Variants in KANK4 observed in about 807,000 individuals in gnomAD.
KANK4 encodes the protein KN motif and ankyrin repeat domain-containing protein 4.
Under a neutral mutation model 80.8 loss-of-function variants are expected in KANK4, and 50 were observed. That is an observed-to-expected ratio of 0.62 (90% CI 0.49 to 0.78). KANK4 has a LOEUF of 0.78. Among genes scored for constraint, KANK4 ranks in the 30% least tolerant of loss-of-function variants. The pLI is 0.00. For missense variants in KANK4, 1,196 were observed against 1,240.1 expected, an observed-to-expected ratio of 0.96 and a Z score of 0.53; for synonymous variants, 465 against 506.9, an observed-to-expected ratio of 0.92 and a Z score of 1.11.
intron 6 of KANK4, among the ~76,000 whole-genome samples, chr1:62,263,714 G>A (rs1671950869): frequency 6.6e-6 from 1 of 152,182 alleles, no homozygotes; most frequent in South Asian, 2.1e-4. Flanking sequence ...ACTCTATCAG[G>A]ACACCTGCGT....
chr1:62,276,447 C>T lies in KANK4; in HGVS notation c.17-1360G>A, dbSNP rs1274869137. On this transcript the variant is annotated intron_variant, in intron 2 of 9. Coordinates refer to ENST00000371153, the MANE Select transcript of KANK4 (RefSeq NM_181712.5). ...ACTTAGCCTTCCTATGTCTCATCAT[C>T]TGTAAAGTGGGAATAATAACAGGTA... Among the ~76,000 whole-genome samples the T allele has an allele frequency of 3.9e-5, 6 of 152,092 alleles. No individual in the cohort carries two copies. In the South Asian group the frequency reaches 1.2e-3, roughly 31 times the overall value.
chr1:62,259,947 C>T (rs142144889), intron 7 of KANK4, among the ~76,000 whole-genome samples: 11 of 152,070 alleles, frequency 7.2e-5, no homozygotes, highest in Non-Finnish European at 8.8e-5. Flanking sequence ...GACATTTGAC[C>T]GAGGCCCATG....
chr1:62,277,592 G>A (rs1416723465), intron 2 of KANK4, among the ~76,000 whole-genome samples: 1 of 152,122 alleles, frequency 6.6e-6, no homozygotes, highest in East Asian at 1.9e-4. Context: ...ACACTTATTG[G>A]GAAGCCAGCT....
chr1:62,279,123 A>G (rs1672389768), intron 2 of KANK4, among the ~76,000 whole-genome samples: 1 of 151,238 alleles, frequency 6.6e-6, no homozygotes, highest in African/African-American at 2.4e-5. Context: ...AGAGGAGGGC[A>G]AGTGAGGCTG....
intron 4 of KANK4, among the ~76,000 whole-genome samples, chr1:62,270,138 G>A (rs769081123): frequency 3.3e-5 from 5 of 152,288 alleles, no homozygotes; most frequent in South Asian, 2.1e-4. Flanking sequence ...GGGAAGGAAC[G>A]GCAGTGGCAG....
intron 1 of KANK4, among the ~76,000 whole-genome samples, chr1:62,308,273 A>G (rs984684906): frequency 1.3e-5 from 2 of 152,190 alleles, no homozygotes; most frequent in Non-Finnish European, 2.9e-5. Flanking sequence ...AGCCGGCTGG[A>G]GAGGCTCACA....
intron 1 of KANK4, among the ~76,000 whole-genome samples, chr1:62,315,561 C>T (rs1446005831): frequency 6.6e-6 from 1 of 152,072 alleles, no homozygotes; most frequent in African/African-American, 2.4e-5. Context: ...ACGCCATCAT[C>T]CAGAAATTGG....
At position 62,269,788 on chromosome 1, in the gene KANK4, T is replaced by TA. The variant is rs61379448; in HGVS notation, c.2013-1284dup. 4.0e-5 allele frequency among the ~76,000 whole-genome samples: 6 copies of TA among 151,274 alleles called. No individual in the cohort carries two copies. The South Asian group carries it at 1.0e-3, about 26-fold the overall frequency. On this transcript the variant is annotated intron_variant, in intron 4 of 9. Coordinates refer to ENST00000371153, the MANE Select transcript of KANK4 (RefSeq NM_181712.5). Reference sequence around the variant, plus strand: ...AGTGATAAAAACAATGAATAAAATTTAAAAAAAAAGAGCCATGGGATAGAA... The same window carrying TA: ...AGTGATAAAAACAATGAATAAAATTTAAAAAAAAAAGAGCCATGGGATAGAA...
intron 1 of KANK4, among the ~76,000 whole-genome samples, chr1:62,291,432 T>C (rs921791872): frequency 6.6e-6 from 1 of 152,320 alleles, no homozygotes; most frequent in Non-Finnish European, 1.5e-5. Context: ...CATTTTTTTG[T>C]ATAATTTAAC....
intron 1 of KANK4, among the ~76,000 whole-genome samples, chr1:62,303,437 G>A (rs1283931506): frequency 1.3e-5 from 2 of 152,028 alleles, no homozygotes; most frequent in Admixed American, 6.5e-5. Flanking sequence ...GAGCAGCCAT[G>A]ATGTGTTATA....
chr1:62,240,920 T>C (rs1671326330), intron 9 of KANK4, among the ~76,000 whole-genome samples: 4 of 152,086 alleles, frequency 2.6e-5, no homozygotes, highest in Admixed American at 2.0e-4. Context: ...TTCTGAACTC[T>C]AAACAGCTCC....
chr1:62,261,971 A>G (rs1671896245), intron 7 of KANK4, among the ~76,000 whole-genome samples: 1 of 152,098 alleles, frequency 6.6e-6, no homozygotes, highest in South Asian at 2.1e-4. Flanking sequence ...CTCCATCCCA[A>G]TTGCTAGGCT....
rs187573528 is a variant in KANK4, at chr1:62,302,354, C to T, written c.-71+16752G>A. Among the ~76,000 whole-genome samples the T allele has an allele frequency of 3.7e-3, 565 of 152,140 alleles. 6 individuals carry two copies. Among genetic ancestry groups the T allele is most frequent in the Admixed American group, 8.8e-3 (135 of 15,288 alleles). ...GAGCTGGCATAGGAGTCGACATTTA[C>T]TCCAGGCACTGTGCTAAATAAAAGA... On this transcript the variant is annotated intron_variant, in intron 1 of 9. Coordinates refer to ENST00000371153, the MANE Select transcript of KANK4 (RefSeq NM_181712.5).
chr1:62,270,197 C>A (rs898461752), intron 4 of KANK4, among the ~76,000 whole-genome samples: 1 of 152,034 alleles, frequency 6.6e-6, no homozygotes, highest in Non-Finnish European at 1.5e-5. Context: ...CATTTGGATG[C>A]AGAGTGGGGA....
intron 7 of KANK4, among the ~76,000 whole-genome samples, chr1:62,261,414 C>T (rs1016706048): frequency 4.6e-5 from 7 of 151,992 alleles, no homozygotes; most frequent in African/African-American, 1.7e-4. Context: ...CCCGCTTCGG[C>T]CTCCCAAAGT....
At chr1:62,265,220 C>T (rs558726600) in intron 6 of KANK4, among the ~76,000 whole-genome samples, 1 of 151,948 alleles carries the variant, frequency 6.6e-6, no homozygotes, top group Admixed American at 6.6e-5. Context: ...TCAACATCCA[C>T]ATCACATATT....
intron 2 of KANK4, among the ~76,000 whole-genome samples, chr1:62,280,462 G>A (rs907489277): frequency 2.0e-5 from 3 of 152,220 alleles, no homozygotes; most frequent in African/African-American, 4.8e-5. Context: ...GGGGAGAAAG[G>A]CAACTCTTGA....
rs139968342 is a variant in KANK4 at position 62,263,256 on chromosome 1, G to A, written c.2375C>T (p.Ser792Leu). The A allele has an allele frequency of 4.3e-6, 7 of 1,613,368 alleles. No homozygotes were observed. The highest frequency in any genetic ancestry group is 2.2e-5 in the East Asian group (1 of 44,838). Reference protein sequence around the residue: ...QEWFRVSSRKSSSPAVVASYL... With the variant: ...QEWFRVSSRKLSSPAVVASYL... The stretch of plus-strand genomic sequence containing the variant: ...GGAGGCCACCACGGCGGGGCTAGAC[G>A]ACTTCCGGCTGGAGACGCGGAACCA... Residue 792 changes from serine (S) to leucine (L), a missense_variant, in exon 7 of 10, where the codon TCG becomes TTG. This residue lies in a region of KANK4 where 1,154 missense variants were observed against 1,179.6 expected (regional missense o/e 0.98). Transcript: ENST00000371153.
chr1:62,299,214 T>A lies in KANK4; in HGVS notation c.-70-17580A>T, dbSNP rs947931628. Among the ~76,000 whole-genome samples the A allele has an allele frequency of 2.0e-5, 3 of 152,128 alleles. No homozygotes were observed. The East Asian group carries it at 5.8e-4, about 29-fold the overall frequency. On this transcript the variant is annotated intron_variant, in intron 1 of 9. Coordinates refer to ENST00000371153, the MANE Select transcript of KANK4 (RefSeq NM_181712.5). ...CTGGGGCCACAGGTGCATGCCATGATGCCTGGCTAATTTTTAAAAAATTTT... is the reference window on the plus strand; with the variant it reads ...CTGGGGCCACAGGTGCATGCCATGAAGCCTGGCTAATTTTTAAAAAATTTT...
Sources: gnomAD v4.1 joint callset for allele counts (sites outside exome capture counted in the v4.1 genomes callset) on GRCh38, gnomAD v4.1.1 for gene constraint, gnomAD v4.1.1 regional missense constraint, MANE v1.5 for transcripts, NCBI Gene and HGNC (gene_info 2026-07-23, HGNC 2026-07-21) for gene names.